Variants in DTNA observed in about 807,000 individuals in gnomAD.
DTNA encodes dystrophin-related protein 3.
DTNA carries 43 observed loss-of-function variants against 100.7 expected under a neutral mutation model. The ratio of observed to expected loss-of-function variants is 0.43; its 90% confidence interval spans 0.33 to 0.55. The LOEUF is 0.55. Ranked by LOEUF, DTNA falls within the 20% of genes least tolerant of loss-of-function variation. The pLI, the probability that DTNA is intolerant of heterozygous loss-of-function variation, is 0.04. For synonymous variants in DTNA, 349 were observed against 347.9 expected (o/e 1.00, Z -0.04); for missense variants, 798 against 953.9 (o/e 0.84, Z 2.15).
intron 1 of DTNA, among the ~76,000 whole-genome samples, chr18:34,669,555 T>A (rs1370600343): frequency 4.6e-5 from 7 of 152,222 alleles, no homozygotes; most frequent in African/African-American, 9.6e-5. Flanking sequence ...GTTTTTGCAA[T>A]GGCTGGTAAC....
intron 1 of DTNA, among the ~76,000 whole-genome samples, chr18:34,694,699 G>GT (rs1431270722): frequency 1.3e-5 from 2 of 151,852 alleles, no homozygotes; most frequent in African/African-American, 4.8e-5. Flanking sequence ...TTATGAACGG[G>GT]TTTTTATTAT....
intron 1 of DTNA, among the ~76,000 whole-genome samples, chr18:34,523,497 A>G (rs185706076): frequency 1.3e-5 from 2 of 152,316 alleles, no homozygotes; most frequent in East Asian, 3.9e-4. Context: ...GATAATTTAT[A>G]AGCATCATGT....
At chr18:34,787,357 G>A (rs2094543814) in intron 3 of DTNA, among the ~76,000 whole-genome samples, 1 of 152,104 alleles carries the variant, frequency 6.6e-6, no homozygotes, top group Admixed American at 6.6e-5. Flanking sequence ...CTGGGTTTGA[G>A]AATTTTGAGA....
intron 1 of DTNA, among the ~76,000 whole-genome samples, chr18:34,589,940 C>A (rs2049532160): frequency 8.1e-6 from 1 of 123,166 alleles, no homozygotes; most frequent in Non-Finnish European, 1.7e-5. Flanking sequence ...ATGGCAGGAT[C>A]TCTTTTTTGG....
rs10670584 is a variant in DTNA at position 34,770,784 on chromosome 18, C to CT, written c.148+4759dup. 3.9e-3 allele frequency among the ~76,000 whole-genome samples: 521 copies of CT among 132,854 alleles called. 38 individuals carry two copies. The highest frequency in any genetic ancestry group is 0.012 in the Middle Eastern group (3 of 254). 87.2% of individuals were successfully genotyped at this position (132,854 alleles called of 152,430 possible). A position where few individuals can be genotyped will look rare whatever the true frequency, so the allele number is the denominator to read the frequency against. On this transcript the variant is annotated intron_variant, in intron 3 of 22. Transcript: ENST00000444659. Reference sequence around the variant, plus strand: ...GCATACTCCCAAGAAGAATTATATTCTTTTTTTTTTTTTTTTGAGTGGAGT... The same window carrying CT: ...GCATACTCCCAAGAAGAATTATATTCTTTTTTTTTTTTTTTTTGAGTGGAGT...
At chr18:34,672,609 T>C (rs923825425) in intron 1 of DTNA, among the ~76,000 whole-genome samples, 1 of 152,188 alleles carries the variant, frequency 6.6e-6, no homozygotes, top group Non-Finnish European at 1.5e-5. Flanking sequence ...ACTACTGATG[T>C]CTCATATCTT....
At chr18:34,788,741 C>T (rs1249803969) in intron 3 of DTNA, among the ~76,000 whole-genome samples, 3 of 152,218 alleles carry the variant, frequency 2.0e-5, no homozygotes, top group Non-Finnish European at 4.4e-5. Flanking sequence ...GCTTTTGTGG[C>T]TGCAATGCAC....
In DTNA at chr18:34,585,705, G is replaced by T. The variant is rs182292282; in HGVS notation, c.-2+92191G>T. On this transcript the variant is annotated intron_variant, in intron 1 of 19. Transcript: ENST00000283365. ...ATCTCCCATAGTAGGAGGCCAAAAG[G>T]TAATATCAACATTTGAAAATCAAAA... is the stretch of plus-strand genomic sequence containing the variant. Among the ~76,000 whole-genome samples, 23 of 152,126 alleles carry T rather than the reference G, an allele frequency of 1.5e-4. No homozygotes were observed. The East Asian group carries it at 4.3e-3, about 28-fold the overall frequency.
At chr18:34,668,173 A>G (rs1190307888) in intron 1 of DTNA, among the ~76,000 whole-genome samples, 1 of 152,116 alleles carries the variant, frequency 6.6e-6, no homozygotes, top group African/African-American at 2.4e-5. Flanking sequence ...TGTGTTGAGG[A>G]ATTTATCCAT....
intron 1 of DTNA, among the ~76,000 whole-genome samples, chr18:34,507,773 A>C (rs932865525): frequency 6.6e-6 from 1 of 152,156 alleles, no homozygotes; most frequent in Non-Finnish European, 1.5e-5. Context: ...ATCACAAACT[A>C]TGGGGATTGA....
At chr18:34,566,115 A>C (rs1047579304) in intron 1 of DTNA, among the ~76,000 whole-genome samples, 2 of 152,200 alleles carry the variant, frequency 1.3e-5, no homozygotes, top group African/African-American at 4.8e-5. Flanking sequence ...AAGAATGGAC[A>C]AGATTGCCAA....
intron 1 of DTNA, among the ~76,000 whole-genome samples, chr18:34,675,993 C>T (rs182402743): frequency 4.6e-5 from 7 of 152,120 alleles, no homozygotes; most frequent in South Asian, 2.1e-4. Flanking sequence ...GTACAGAGTG[C>T]TATTTATGGT....
At chr18:34,665,401 A>G (rs972344493) in intron 1 of DTNA, among the ~76,000 whole-genome samples, 1 of 152,052 alleles carries the variant, frequency 6.6e-6, no homozygotes, top group Non-Finnish European at 1.5e-5. Flanking sequence ...GGTTTAATGC[A>G]TATTAGAGAA....
At chr18:34,720,039 T>C (rs542411843) in intron 1 of DTNA, among the ~76,000 whole-genome samples, 3 of 152,290 alleles carry the variant, frequency 2.0e-5, no homozygotes, top group African/African-American at 7.2e-5. Context: ...AGGAATTAAA[T>C]GCGCTAATAT....
intron 3 of DTNA, among the ~76,000 whole-genome samples, chr18:34,782,607 G>A (rs1407262813): frequency 1.3e-5 from 2 of 152,186 alleles, no homozygotes; most frequent in South Asian, 2.1e-4. Context: ...GATGGTGATT[G>A]TAGGGCACAC....
At position 34,840,684 on chromosome 18, in the gene DTNA, G is replaced by T. The variant is rs186680770; in HGVS notation, c.1346+1847G>T. 3.9e-5 allele frequency among the ~76,000 whole-genome samples: 6 copies of T among 152,244 alleles called. No individual in the cohort carries two copies. The East Asian group carries it at 1.2e-3, about 29-fold the overall frequency. On this transcript the variant is annotated intron_variant, in intron 13 of 22. Transcript: ENST00000444659. ...CAGCAGAGACACCTTGCGTCTGCCT[G>T]ATGAAAGCTAAATGTGATTTGTATT...
At chr18:34,561,311 T>C (rs2046616339) in intron 1 of DTNA, among the ~76,000 whole-genome samples, 1 of 152,186 alleles carries the variant, frequency 6.6e-6, no homozygotes, top group South Asian at 2.1e-4. Flanking sequence ...TATAATACTA[T>C]CATTGGGAGC....
intron 1 of DTNA, among the ~76,000 whole-genome samples, chr18:34,519,298 G>A (rs2041951008): frequency 6.6e-6 from 1 of 152,094 alleles, no homozygotes; most frequent in African/African-American, 2.4e-5. Context: ...AAGGAAAGAT[G>A]TTATAAATTT....
chr18:34,572,708 A>G (rs917643491), intron 1 of DTNA, among the ~76,000 whole-genome samples: 4 of 152,092 alleles, frequency 2.6e-5, no homozygotes, highest in African/African-American at 9.7e-5. Flanking sequence ...CAGTTCTACT[A>G]TTAGGTGCCT....
Sources: gnomAD v4.1 joint callset for allele counts (sites outside exome capture counted in the v4.1 genomes callset) on GRCh38, gnomAD v4.1.1 for gene constraint, MANE v1.5 for transcripts, NCBI Gene and HGNC (gene_info 2026-07-23, HGNC 2026-07-21) for gene names.